NAPG: variants seen among roughly 807,000 people sequenced by gnomAD.
NAPG encodes the protein gamma-soluble NSF attachment protein.
In NAPG, 25 loss-of-function variants were observed where a neutral mutation model predicts 48.4. That is an observed-to-expected ratio of 0.52 (90% confidence interval 0.38 to 0.72). The LOEUF (loss-of-function observed/expected upper bound fraction) is 0.72, where lower values mean the gene tolerates loss of function less well. Among genes scored for constraint, NAPG ranks in the 30% least tolerant of loss-of-function variants. The pLI, the probability that NAPG is intolerant of heterozygous loss-of-function variation, is 0.00. For synonymous variants in NAPG, 139 were observed against 127.2 expected (o/e 1.09, Z -0.62); for missense variants, 359 against 372.5 (o/e 0.96, Z 0.30).
chr18:10,531,646 T>C (rs900100300), intron 2 of NAPG, among the ~76,000 whole-genome samples: 2 of 152,344 alleles, frequency 1.3e-5, no homozygotes, highest in East Asian at 3.9e-4. Context: ...ATCATGCAAA[T>C]TGTTTATCTT....
intron 2 of NAPG, among the ~76,000 whole-genome samples, chr18:10,532,465 A>G (rs2031947176): frequency 6.6e-6 from 1 of 152,226 alleles, no homozygotes. Flanking sequence ...TGGAAGAAAC[A>G]CTGATTTGTT....
Position 10,530,854 on chromosome 18 carries a change from T to C in NAPG, c.124+17T>C, listed in dbSNP as rs4796893. On this transcript the variant is annotated intron_variant, in intron 2 of 11. Transcript: ENST00000322897. Reference sequence around the variant, plus strand: ...GAAAAGCAGGTATTTTTGACTATAGTCCAGTTGCTCCAGTATGTAATCTTA... The same window carrying C: ...GAAAAGCAGGTATTTTTGACTATAGCCCAGTTGCTCCAGTATGTAATCTTA... 3.0e-3 allele frequency: 4,542 copies of C among 1,528,716 alleles called. 7 individuals carry two copies. The highest frequency in any genetic ancestry group is 3.4e-3 in the Non-Finnish European group (3,809 of 1,132,602). 94.7% of individuals were successfully genotyped at this position (1,528,716 alleles called of 1,614,324 possible). A position where few individuals can be genotyped will look rare whatever the true frequency, so the allele number is the denominator to read the frequency against.
intron 7 of NAPG, 78 bp downstream of exon 7, chr18:10,540,132 A>G: frequency 7.9e-7 from 1 of 1,266,024 alleles, no homozygotes; most frequent in East Asian, 2.5e-5. Flanking sequence ...AGAGAAGTGC[A>G]GTGGCTACTT....
At chr18:10,533,041 G>A (rs1374333116) in intron 3 of NAPG, 3 of 388,806 alleles carry the variant, frequency 7.7e-6, no homozygotes, top group Admixed American at 8.4e-5. Flanking sequence ...CTTGATGATG[G>A]TTTTACTTGG....
Position 10,534,398 on chromosome 18 carries a change from C to CACCA in NAPG, c.228-67_228-64dup. 7.1e-7 allele frequency: 1 copy of CACCA among 1,408,416 alleles called. No individual in the cohort carries two copies. The highest frequency in any genetic ancestry group is 1.2e-5 in the South Asian group (1 of 85,882). The allele number at this position is 1,408,416 out of a possible 1,614,324, so 87.2% of individuals were successfully genotyped here. A position where few individuals can be genotyped will look rare whatever the true frequency, so the allele number is the denominator to read the frequency against. On this transcript the variant is annotated intron_variant, in intron 4 of 11. Transcript: ENST00000322897. This position sits in a 1 kb window ranked among gnomAD's most constrained non-coding sequence, Gnocchi z 5.0. Reference sequence around the variant, plus strand: ...GTCACTTTCCTTACCAGTAGTTCCTCACCAGAAAGTTTCTTCTACCCCTTA... The same window carrying CACCA: ...GTCACTTTCCTTACCAGTAGTTCCTCACCAACCAGAAAGTTTCTTCTACCCCTTA...
At chr18:10,545,359 A>G (rs889201994) in intron 8 of NAPG, among the ~76,000 whole-genome samples, 4 of 152,350 alleles carry the variant, frequency 2.6e-5, no homozygotes, top group Non-Finnish European at 4.4e-5. Flanking sequence ...CATAACAAGC[A>G]TAACATTTTT....
chr18:10,535,426 G>A (rs1162255097), intron 5 of NAPG, among the ~76,000 whole-genome samples: 3 of 152,306 alleles, frequency 2.0e-5, no homozygotes, highest in African/African-American at 7.2e-5. Flanking sequence ...TATGCATCAG[G>A]TTGTTTCTTG....
intron 8 of NAPG, among the ~76,000 whole-genome samples, chr18:10,541,371 T>C (rs2032153710): frequency 6.6e-6 from 1 of 152,232 alleles, no homozygotes; most frequent in Non-Finnish European, 1.5e-5. Context: ...GGTCATTATC[T>C]TTATTCATCT....
At chr18:10,531,946 G>A (rs940785202) in intron 2 of NAPG, among the ~76,000 whole-genome samples, 1 of 152,204 alleles carries the variant, frequency 6.6e-6, no homozygotes, top group Non-Finnish European at 1.5e-5. Context: ...AAAGCAGGGA[G>A]GGGAATAGCT....
Position 10,540,341 on chromosome 18 carries a change from T to C in NAPG, c.448T>C (p.Leu150=). Residue 150 remains leucine, a synonymous_variant, in exon 8 of 12, where the codon TTA becomes CTA. Transcript: ENST00000322897. ...TTGATTCCTTCAGAATGAAGAACGC[T>C]TACGACAGGCAGTTGAATTACTAGG... ...TANVFENEER[L]RQAVELLGKA... 1.5e-5 allele frequency: 24 copies of C among 1,613,786 alleles called. No homozygotes were observed. The highest frequency in any genetic ancestry group is 1.9e-5 in the Non-Finnish European group (23 of 1,179,744).
chr18:10,527,509 G>T (rs141351104), intron 1 of NAPG, among the ~76,000 whole-genome samples: 22 of 152,248 alleles, frequency 1.4e-4, no homozygotes, highest in African/African-American at 4.6e-4. Context: ...GGGAGCAAAC[G>T]CAAAATTTGT....
chr18:10,552,036 A>G lies in NAPG; in HGVS notation c.*1816A>G, dbSNP rs578181952. 2.0e-5 allele frequency: 3 copies of G among 152,322 alleles called. No homozygotes were observed. Among genetic ancestry groups the G allele is most frequent in the East Asian group, 3.9e-4 (2 of 5,186 alleles). 9.4% of individuals were successfully genotyped at this position (152,322 alleles called of 1,614,324 possible). A position where few individuals can be genotyped will look rare whatever the true frequency, so the allele number is the denominator to read the frequency against. ...CAATCGGAAACTTCTGGAGTCTTAC[A>G]TTAATGCTCATTTGAGCTAATTAGT... is the stretch of plus-strand genomic sequence containing the variant. On this transcript the variant is annotated 3_prime_UTR_variant, in exon 12 of 12. Coordinates refer to ENST00000322897, the MANE Select transcript of NAPG (RefSeq NM_003826.3).
rs1598412077 is a variant in NAPG, at chr18:10,543,663, A to G, written c.507-2663A>G. On this transcript the variant is annotated intron_variant, in intron 8 of 11. Coordinates refer to ENST00000322897, the MANE Select transcript of NAPG (RefSeq NM_003826.3). This position sits in a 1 kb window ranked among gnomAD's most constrained non-coding sequence, Gnocchi z 4.4. ...TGTGACAGTTTTCTGCCATTTGCAC[A>G]TAACTTCTGTGGGGTTTCAATTTTG... Among the ~76,000 whole-genome samples the G allele has an allele frequency of 6.6e-6, 1 of 152,186 alleles. No homozygotes were observed. The highest frequency in any genetic ancestry group is 2.1e-4 in the South Asian group (1 of 4,826).
chr18:10,528,995 G>T (rs1304713023), intron 1 of NAPG, among the ~76,000 whole-genome samples: 1 of 152,136 alleles, frequency 6.6e-6, no homozygotes, highest in African/African-American at 2.4e-5. Flanking sequence ...TGTGGAAATT[G>T]GTCAGTTTCC....
At chr18:10,538,418 A>G (rs894265569) in intron 5 of NAPG, among the ~76,000 whole-genome samples, 15 of 152,166 alleles carry the variant, frequency 9.9e-5, no homozygotes, top group Non-Finnish European at 1.6e-4. Context: ...CCATAAAACA[A>G]TTTTCATGAA....
rs756312536 is a variant in NAPG at position 10,534,125 on chromosome 18, C to T, written c.228-341C>T. On this transcript the variant is annotated intron_variant, in intron 4 of 11. Transcript: ENST00000322897. The surrounding 1 kb of genome is among the most constrained non-coding windows in gnomAD (Gnocchi z 5.0). ...TCGTGCCTCTGCTCTCCAGCCTGGG[C>T]GACACAGCAAGGCTCCATCCCAAAA... Among the ~76,000 whole-genome samples the T allele has an allele frequency of 9.2e-5, 14 of 152,162 alleles. No homozygotes were observed. Among genetic ancestry groups the T allele is most frequent in the Admixed American group, 5.2e-4 (8 of 15,272 alleles).
rs571229 is a variant in NAPG, at chr18:10,542,462, A to G, written c.506+2063A>G. On this transcript the variant is annotated intron_variant, in intron 8 of 11. Transcript: ENST00000322897. This position sits in a 1 kb window ranked among gnomAD's most constrained non-coding sequence, Gnocchi z 4.5. ...CTATTGGGAACTTAAATAGTGCAGG[A>G]TAAGAAAAAACATGCAGTGTTTATA... is the stretch of plus-strand genomic sequence containing the variant. Among the ~76,000 whole-genome samples, 51,679 of 151,992 alleles carry G rather than the reference A, an allele frequency of 0.34. 8,852 individuals carry two copies. The highest frequency in any genetic ancestry group is 0.41 in the East Asian group (2,127 of 5,160).
intron 3 of NAPG, 161 bp downstream of exon 3, chr18:10,532,956 A>G: frequency 1.6e-6 from 1 of 628,806 alleles, no homozygotes; most frequent in Non-Finnish European, 2.7e-6. Flanking sequence ...AGGAGCGTTT[A>G]TAATGAAGTT....
chr18:10,551,103 T>A lies in NAPG; in HGVS notation c.*883T>A, dbSNP rs2032383502. ...GTTTTTATTTTTAATTTGTAATTTTTTTTTTATTTTTTTTGTTGAGATGGA... is the reference window on the plus strand; with the variant it reads ...GTTTTTATTTTTAATTTGTAATTTTATTTTTATTTTTTTTGTTGAGATGGA... On this transcript the variant is annotated 3_prime_UTR_variant, in exon 12 of 12. Coordinates refer to ENST00000322897, the MANE Select transcript of NAPG (RefSeq NM_003826.3). 1 of 151,920 alleles carries A rather than the reference T, an allele frequency of 6.6e-6. No individual in the cohort carries two copies. 9.4% of individuals were successfully genotyped at this position (151,920 alleles called of 1,614,324 possible).
Sources: allele counts gnomAD v4.1 joint callset (sites outside exome capture counted in the v4.1 genomes callset), GRCh38; gene constraint gnomAD v4.1.1; non-coding constraint Gnocchi (gnomAD v3.1); transcripts MANE v1.5; gene names NCBI Gene and HGNC (gene_info 2026-07-23, HGNC 2026-07-21).